Variants in CPAMD8 observed in about 807,000 individuals in gnomAD.
The protein encoded by CPAMD8 is C3 and PZP-like alpha-2-macroglobulin domain-containing protein 8.
In CPAMD8, 146 loss-of-function variants were observed where a neutral mutation model predicts 224.7. That is an observed-to-expected ratio of 0.65 (90% CI 0.57 to 0.75). The LOEUF is 0.75. CPAMD8 is among the 30% of genes least tolerant of loss of function. CPAMD8 has a pLI of 0.00. For synonymous variants in CPAMD8, 966 were observed against 1,044.6 expected (o/e 0.92, Z 1.45); for missense variants, 2,301 against 2,537.5 (o/e 0.91, Z 2.00).
chr19:16,901,803 G>A (rs1167634906), intron 35 of CPAMD8, among the ~76,000 whole-genome samples: 2 of 152,164 alleles, frequency 1.3e-5, no homozygotes, highest in Non-Finnish European at 2.9e-5. Flanking sequence ...AGGGCGTTGG[G>A]GACAAGGAAG....
intron 27 of CPAMD8, 88 bp from the exon 28 acceptor site, chr19:16,914,901 C>T: frequency 1.1e-6 from 1 of 907,188 alleles, no homozygotes; most frequent in Admixed American, 2.6e-5. Context: ...CTCCTGGCAC[C>T]ACCCCCGGCC....
chr19:16,976,165 C>T lies in CPAMD8; in HGVS notation c.1759-14G>A. 1 of 1,605,958 alleles carries T rather than the reference C, an allele frequency of 6.2e-7. No individual in the cohort carries two copies. The highest frequency in any genetic ancestry group is 8.5e-7 in the Non-Finnish European group (1 of 1,175,416). ...CGTCACTGAAACCTTGGCGCAAATG[C>T]AGCAAGGGATAAGAAACTTGGTTCA... On this transcript the variant is annotated splice_polypyrimidine_tract_variant and intron_variant, in intron 15 of 41. Coordinates refer to ENST00000443236, the MANE Select transcript of CPAMD8 (RefSeq NM_015692.5).
chr19:17,014,063 T>C (rs1299505353), intron 3 of CPAMD8, among the ~76,000 whole-genome samples: 17 of 148,950 alleles, frequency 1.1e-4, no homozygotes, highest in Non-Finnish European at 1.6e-4. Context: ...TTCTTTCTTT[T>C]GTTTTTAGAG....
intron 29 of CPAMD8, among the ~76,000 whole-genome samples, chr19:16,912,043 A>C (rs1177670531): frequency 6.6e-6 from 1 of 152,148 alleles, no homozygotes; most frequent in Non-Finnish European, 1.5e-5. Context: ...TCACTCCCAG[A>C]AAGGACAGTC....
intron 1 of CPAMD8, among the ~76,000 whole-genome samples, chr19:17,023,020 C>T (rs570683269): frequency 5.3e-4 from 80 of 152,134 alleles, no homozygotes; most frequent in African/African-American, 1.1e-3. Flanking sequence ...CTAACTCAGG[C>T]GGTCAGACTC....
At chr19:17,009,863 G>A (rs902108953) in intron 5 of CPAMD8, among the ~76,000 whole-genome samples, 4 of 152,068 alleles carry the variant, frequency 2.6e-5, no homozygotes, top group African/African-American at 9.7e-5. Flanking sequence ...ACAAACCCAT[G>A]CTGGGTGCCT....
In CPAMD8 at chr19:16,897,770, G is replaced by A. The variant is rs374237425; in HGVS notation, c.4986C>T (p.Ser1662=). ...GTTCCCGGGCGAGTGGGCTGTGGGT[G>A]CTGACGTTGTAGAAGCGAGTGGCCT... The part of the protein sequence containing the change: ...AFEATRFYNV[S]THSPLARELC... The change falls in exon 39 of 42, where the codon AGC becomes AGT. Residue 1662 remains serine (S), a synonymous_variant. Transcript: ENST00000443236. 4 of 1,585,768 alleles carry A rather than the reference G, an allele frequency of 2.5e-6. No individual in the cohort carries two copies. The highest frequency in any genetic ancestry group is 3.4e-6 in the Non-Finnish European group (4 of 1,168,044).
At chr19:16,951,074 C>T (rs549074336) in intron 20 of CPAMD8, among the ~76,000 whole-genome samples, 9 of 152,240 alleles carry the variant, frequency 5.9e-5, no homozygotes, top group African/African-American at 1.7e-4. Flanking sequence ...ATAATATCAT[C>T]GAAAAACAGC....
intron 17 of CPAMD8, among the ~76,000 whole-genome samples, chr19:16,972,142 G>A (rs758343555): frequency 9.2e-5 from 14 of 152,196 alleles, no homozygotes; most frequent in Non-Finnish European, 1.5e-4. Flanking sequence ...AAGGACCAAC[G>A]GTGGGATGCA....
At chr19:16,917,601 C>T (rs1211645610) in intron 27 of CPAMD8, among the ~76,000 whole-genome samples, 1 of 152,128 alleles carries the variant, frequency 6.6e-6, no homozygotes, top group Non-Finnish European at 1.5e-5. Flanking sequence ...ATTAGCTGGG[C>T]ATGGTAGTGC....
chr19:16,996,768 G>A (rs900626892), intron 11 of CPAMD8, among the ~76,000 whole-genome samples: 8 of 146,114 alleles, frequency 5.5e-5, no homozygotes, highest in East Asian at 4.2e-4. Context: ...GCAGTGAGCC[G>A]AGATGGAGCC....
rs115793119 is a variant in CPAMD8 at position 16,937,966 on chromosome 19, T to A, written c.2845+429A>T. On this transcript the variant is annotated intron_variant, in intron 23 of 41. Transcript: ENST00000443236. ...ACCGCGCCCGGCCAACTTTGTACTTTTAGTATTGATAAGTTTCACCACGTT... is the reference window on the plus strand; with the variant it reads ...ACCGCGCCCGGCCAACTTTGTACTTATAGTATTGATAAGTTTCACCACGTT... 4.3e-3 allele frequency among the ~76,000 whole-genome samples: 659 copies of A among 152,222 alleles called. 8 individuals are homozygous for A. Among genetic ancestry groups the A allele is most frequent in the African/African-American group, 0.015 (621 of 41,524 alleles).
At chr19:16,912,522 G>A (rs1408767877) in intron 29 of CPAMD8, among the ~76,000 whole-genome samples, 1 of 152,210 alleles carries the variant, frequency 6.6e-6, no homozygotes, top group Admixed American at 6.6e-5. Context: ...GCCAAGGCAG[G>A]AGGATCACCT....
chr19:17,021,698 AG>A (rs769240368), intron 2 of CPAMD8, among the ~76,000 whole-genome samples: 48 of 152,168 alleles, frequency 3.2e-4, no homozygotes, highest in Non-Finnish European at 5.9e-4. Context: ...AAAAGGTCAG[AG>A]GGGGGTCATG....
chr19:16,974,959 A>G, intron 17 of CPAMD8, 138 bp downstream of exon 17: 1 of 1,168,632 alleles, frequency 8.6e-7, no homozygotes, highest in South Asian at 1.6e-5. Flanking sequence ...TGGGCCACAG[A>G]GCGAGACCCC....
In CPAMD8 at chr19:17,002,319, CGGGT is replaced by C; in HGVS notation, c.701_704del (p.Asp234GlyfsTer30). On this transcript the variant is annotated frameshift_variant, in exon 9 of 42. Coordinates refer to ENST00000443236, the MANE Select transcript of CPAMD8 (RefSeq NM_015692.5). LOFTEE classifies it high-confidence loss of function. ...CGTCCAGGTCTTGGATATACCGGGG[CGGGT>C]CAATCAGAAGCTCAAACTTGGGCAA... The C allele has an allele frequency of 6.2e-7, 1 of 1,606,490 alleles. No homozygotes were observed. Among genetic ancestry groups the C allele is most frequent in the Non-Finnish European group, 8.5e-7 (1 of 1,175,702 alleles).
chr19:16,940,396 C>T (rs2053848674), intron 22 of CPAMD8, among the ~76,000 whole-genome samples: 1 of 152,078 alleles, frequency 6.6e-6, no homozygotes, highest in African/African-American at 2.4e-5. Flanking sequence ...CTAATACAAC[C>T]ATTCCTGCTG....
At chr19:16,988,428 T>A (rs2122870317) in intron 13 of CPAMD8, among the ~76,000 whole-genome samples, 1 of 152,234 alleles carries the variant, frequency 6.6e-6, no homozygotes, top group South Asian at 2.1e-4. Flanking sequence ...CTGGCCAACA[T>A]GGTGAAACCC....
chr19:16,945,457 C>G, intron 22 of CPAMD8, 92 bp downstream of exon 22: 1 of 1,520,436 alleles, frequency 6.6e-7, no homozygotes, highest in Non-Finnish European at 8.9e-7. Flanking sequence ...GGCCCTGGCT[C>G]AGCCTCAGAC....
Sources: allele counts gnomAD v4.1 joint callset (sites outside exome capture counted in the v4.1 genomes callset), GRCh38; gene constraint gnomAD v4.1.1; transcripts MANE v1.5; gene names NCBI Gene and HGNC (gene_info 2026-07-23, HGNC 2026-07-21).